Variants in PARM1 observed in about 807,000 individuals in gnomAD.
PARM1 encodes WSC4, cell wall integrity and stress response component 4 homolog.
PARM1 carries 14 observed loss-of-function variants against 24.6 expected under a neutral mutation model. That is an observed-to-expected ratio of 0.57 (90% CI 0.38 to 0.89). The LOEUF is 0.89. Among genes scored for constraint, PARM1 ranks in the 40% least tolerant of loss-of-function variants. The pLI, the probability that PARM1 is intolerant of heterozygous loss-of-function variation, is 0.00. For synonymous variants in PARM1, 179 were observed against 156.6 expected, an observed-to-expected ratio of 1.14 and a Z score of -1.07; for missense variants, 362 against 380.4, an observed-to-expected ratio of 0.95 and a Z score of 0.40.
intron 1 of PARM1, among the ~76,000 whole-genome samples, chr4:74,996,757 C>G (rs532072103): frequency 3.0e-4 from 45 of 152,162 alleles, no homozygotes; most frequent in Non-Finnish European, 5.9e-4. Context: ...AAATTATTAC[C>G]AGACCCACTC....
intron 1 of PARM1, among the ~76,000 whole-genome samples, chr4:75,003,136 C>T (rs1722712162): frequency 6.6e-6 from 1 of 152,098 alleles, no homozygotes; most frequent in Non-Finnish European, 1.5e-5. Flanking sequence ...GCTTGCCCTC[C>T]TGCATTGTCT....
chr4:75,025,848 T>C (rs1464360180), intron 2 of PARM1, among the ~76,000 whole-genome samples: 1 of 152,198 alleles, frequency 6.6e-6, no homozygotes, highest in Non-Finnish European at 1.5e-5. Context: ...TGGAAACATA[T>C]AGATGTTGGG....
At chr4:74,976,199 A>G (rs1722135838) in intron 1 of PARM1, among the ~76,000 whole-genome samples, 1 of 152,120 alleles carries the variant, frequency 6.6e-6, no homozygotes, top group South Asian at 2.1e-4. Flanking sequence ...ACTCCCTAAG[A>G]TGACCAGGTT....
chr4:74,991,706 T>C (rs1046176889), intron 1 of PARM1, among the ~76,000 whole-genome samples: 6 of 152,106 alleles, frequency 3.9e-5, no homozygotes, highest in African/African-American at 1.4e-4. Context: ...ACATGGGGCA[T>C]TAGGTTGAGT....
chr4:75,036,322 G>A (rs182914691), intron 3 of PARM1, among the ~76,000 whole-genome samples: 68 of 152,268 alleles, frequency 4.5e-4, no homozygotes, highest in Non-Finnish European at 7.5e-4. Flanking sequence ...CTATAGGCAG[G>A]CAGTCTAAAA....
chr4:74,989,793 A>G (rs1009454811), intron 1 of PARM1, among the ~76,000 whole-genome samples: 1 of 152,128 alleles, frequency 6.6e-6, no homozygotes, highest in African/African-American at 2.4e-5. Flanking sequence ...GTGAGCACAC[A>G]AAAGACACTA....
At chr4:75,036,729 A>T (rs950063529) in intron 3 of PARM1, among the ~76,000 whole-genome samples, 1 of 152,212 alleles carries the variant, frequency 6.6e-6, no homozygotes, top group African/African-American at 2.4e-5. Context: ...ATTTTAAGCT[A>T]TATTTTCCCC....
chr4:74,942,084 G>A (rs570963303), intron 1 of PARM1, among the ~76,000 whole-genome samples: 5 of 152,250 alleles, frequency 3.3e-5, no homozygotes, highest in South Asian at 2.1e-4. Context: ...GGGACTAAAC[G>A]TTCAACCAGT....
In PARM1 at chr4:74,934,439, G is replaced by A. The variant is rs1380239317; in HGVS notation, c.43+1069G>A. 4.6e-5 allele frequency among the ~76,000 whole-genome samples: 7 copies of A among 152,304 alleles called. No individual in the cohort carries two copies. The East Asian group carries it at 1.4e-3, about 29-fold the overall frequency. On this transcript the variant is annotated intron_variant, in intron 1 of 3. Transcript: ENST00000307428. ...CCTACAGTTGTGGACACGAGTCGTCGCAATCCCTTGAAAAGAAGCTAGCGG... is the reference window on the plus strand; with the variant it reads ...CCTACAGTTGTGGACACGAGTCGTCACAATCCCTTGAAAAGAAGCTAGCGG...
chr4:74,933,805 G>T (rs1214074209), intron 1 of PARM1, among the ~76,000 whole-genome samples: 2 of 152,172 alleles, frequency 1.3e-5, no homozygotes, highest in Non-Finnish European at 2.9e-5. Flanking sequence ...TTCGCATCTG[G>T]GAAGGCTTCA....
chr4:75,012,919 A>G lies in PARM1; in HGVS notation c.538A>G (p.Thr180Ala). The G allele has an allele frequency of 6.2e-7, 1 of 1,613,830 alleles. No homozygotes were observed. The highest frequency in any genetic ancestry group is 8.5e-7 in the Non-Finnish European group (1 of 1,179,874). ...CTCCGTTACTACCAACCATAGCTCC[A>G]CTGTGACCAGCACCCAACCCACTGG... ...SASVTTNHSS[T>A]VTSTQPTGAP... The change falls in exon 2 of 4, where the codon ACT becomes GCT. Residue 180 changes from threonine (T) to alanine (A), a missense_variant. By Grantham distance (58) the Thr-to-Ala change is moderately conservative. Coordinates refer to ENST00000307428, the MANE Select transcript of PARM1 (RefSeq NM_015393.4).
At chr4:74,984,738 G>C (rs1257301926) in intron 1 of PARM1, among the ~76,000 whole-genome samples, 1 of 152,206 alleles carries the variant, frequency 6.6e-6, no homozygotes, top group Non-Finnish European at 1.5e-5. Flanking sequence ...CAGAGAAGAT[G>C]CCAGCCTCCT....
intron 1 of PARM1, among the ~76,000 whole-genome samples, chr4:74,964,647 TTA>T: frequency 6.6e-6 from 1 of 152,272 alleles, no homozygotes; most frequent in East Asian, 1.9e-4. Context: ...ATTTTTATTA[TTA>T]TGTGTTTAAT....
chr4:74,986,632 G>T (rs148132844), intron 1 of PARM1, among the ~76,000 whole-genome samples: 11 of 152,260 alleles, frequency 7.2e-5, no homozygotes, highest in African/African-American at 1.7e-4. Context: ...TAATGGCAAT[G>T]CTAAGTCCAA....
intron 1 of PARM1, among the ~76,000 whole-genome samples, chr4:74,979,848 G>A (rs1370843658): frequency 1.3e-5 from 2 of 152,028 alleles, no homozygotes; most frequent in South Asian, 2.1e-4. Context: ...ATCGCATAAA[G>A]AGAACTAAAG....
At chr4:74,971,344 G>C (rs1418993707) in intron 1 of PARM1, among the ~76,000 whole-genome samples, 2 of 152,174 alleles carry the variant, frequency 1.3e-5, no homozygotes, top group Non-Finnish European at 2.9e-5. Flanking sequence ...ACCTGACCCT[G>C]TGATTCAATT....
intron 1 of PARM1, among the ~76,000 whole-genome samples, chr4:74,981,297 G>T (rs574790122): frequency 3.0e-4 from 45 of 152,130 alleles, no homozygotes; most frequent in Admixed American, 2.6e-3. Flanking sequence ...TAAAAAGTGG[G>T]CAAAGGACAT....
chr4:74,962,244 A>G (rs1442888557), intron 1 of PARM1, among the ~76,000 whole-genome samples: 1 of 152,214 alleles, frequency 6.6e-6, no homozygotes, highest in Non-Finnish European at 1.5e-5. Context: ...GAATGTGATA[A>G]CATTAGGATG....
intron 3 of PARM1, among the ~76,000 whole-genome samples, chr4:75,043,599 T>C (rs1241687868): frequency 6.6e-6 from 1 of 152,172 alleles, no homozygotes; most frequent in Non-Finnish European, 1.5e-5. Flanking sequence ...TAAAGGAGCA[T>C]GTTTATTGAG....
Sources: gnomAD v4.1 joint callset for allele counts (sites outside exome capture counted in the v4.1 genomes callset) on GRCh38, gnomAD v4.1.1 for gene constraint, MANE v1.5 for transcripts, NCBI Gene and HGNC (gene_info 2026-07-23, HGNC 2026-07-21) for gene names.